Variants in TMEM117 observed in about 807,000 individuals in gnomAD.
TMEM117 encodes transmembrane protein 117.
In TMEM117, 27 loss-of-function variants were observed where a neutral mutation model predicts 52.4. That is an observed-to-expected ratio of 0.51 (90% confidence interval 0.38 to 0.71). The LOEUF is 0.71. Ranked by LOEUF, TMEM117 falls within the 30% of genes least tolerant of loss-of-function variation. TMEM117 has a pLI of 0.00. For synonymous variants in TMEM117, 215 were observed against 206.3 expected, an observed-to-expected ratio of 1.04 and a Z score of -0.36; for missense variants, 556 against 630.5, an observed-to-expected ratio of 0.88 and a Z score of 1.26.
intron 3 of TMEM117, among the ~76,000 whole-genome samples, chr12:44,042,280 G>A (rs921370151): frequency 6.9e-6 from 1 of 144,482 alleles, no homozygotes; most frequent in Non-Finnish European, 1.5e-5. Flanking sequence ...GTCTGAAGTT[G>A]TATTATGTTT....
chr12:44,253,937 A>G (rs1950225842), intron 5 of TMEM117, among the ~76,000 whole-genome samples: 1 of 151,704 alleles, frequency 6.6e-6, no homozygotes, highest in African/African-American at 2.4e-5. Flanking sequence ...CTCAGTAGAG[A>G]AACTTGGAAA....
intron 5 of TMEM117, among the ~76,000 whole-genome samples, chr12:44,214,742 G>A (rs1428978728): frequency 2.0e-5 from 3 of 151,994 alleles, no homozygotes; most frequent in African/African-American, 7.2e-5. Flanking sequence ...CAATTTAAAT[G>A]CCACTTTAAA....
intron 5 of TMEM117, among the ~76,000 whole-genome samples, chr12:44,217,496 G>A (rs1044080089): frequency 6.6e-6 from 1 of 152,154 alleles, no homozygotes; most frequent in Non-Finnish European, 1.5e-5. Flanking sequence ...CTGCTGTCCA[G>A]AGCTCCCTTT....
intron 5 of TMEM117, among the ~76,000 whole-genome samples, chr12:44,267,658 C>T (rs950064924): frequency 2.6e-5 from 4 of 152,118 alleles, no homozygotes; most frequent in African/African-American, 9.7e-5. Flanking sequence ...AAGTTTATAC[C>T]TTTGACCCTC....
At chr12:43,867,160 T>C (rs560627682) in intron 2 of TMEM117, among the ~76,000 whole-genome samples, 5 of 152,314 alleles carry the variant, frequency 3.3e-5, no homozygotes, top group Non-Finnish European at 5.9e-5. Context: ...GTCATGATTT[T>C]GTAACATGAT....
At chr12:43,998,275 ATGT>A (rs886741092) in intron 3 of TMEM117, among the ~76,000 whole-genome samples, 5 of 152,224 alleles carry the variant, frequency 3.3e-5, no homozygotes, top group Admixed American at 1.3e-4. Context: ...AGGACTGGAA[ATGT>A]TGTCAGGGCT....
At chr12:44,335,345 A>G (rs141571523) in intron 6 of TMEM117, among the ~76,000 whole-genome samples, 18 of 152,212 alleles carry the variant, frequency 1.2e-4, no homozygotes, top group African/African-American at 4.3e-4. Context: ...TCTAAACAGA[A>G]TAAGTCTCTG....
chr12:44,009,880 A>G, intron 3 of TMEM117: 1 of 266,818 alleles, frequency 3.7e-6, no homozygotes, highest in South Asian at 5.8e-5. Flanking sequence ...AATATTTCCA[A>G]GATCTACTCT....
chr12:43,949,076 G>A (rs1335675567), intron 3 of TMEM117, among the ~76,000 whole-genome samples: 2 of 152,182 alleles, frequency 1.3e-5, no homozygotes, highest in Non-Finnish European at 1.5e-5. Flanking sequence ...ACATGTAACT[G>A]TTAGCAGCAC....
At chr12:43,952,778 C>G (rs1373480310) in intron 3 of TMEM117, among the ~76,000 whole-genome samples, 1 of 152,090 alleles carries the variant, frequency 6.6e-6, no homozygotes, top group Non-Finnish European at 1.5e-5. Flanking sequence ...TATTCAAATT[C>G]AGGAAATCCA....
intron 2 of TMEM117, among the ~76,000 whole-genome samples, chr12:43,877,890 A>AACACACACACACACAC (rs369405497): frequency 7.0e-6 from 1 of 142,998 alleles, no homozygotes; most frequent in African/African-American, 2.6e-5. Flanking sequence ...GTAAAAACAA[A>AACACACACACACACAC]ACACACACAC....
rs58320635 is a variant in TMEM117 at position 43,990,794 on chromosome 12, C to T, written c.410+46452C>T. ...AAGAGACCTGCCCAAAGTCCCCGAG[C>T]ATGTTAATATTAGAAAAGCAATAAA... is the stretch of plus-strand genomic sequence containing the variant. On this transcript the variant is annotated intron_variant, in intron 3 of 7. Transcript: ENST00000266534. 6.7e-3 allele frequency among the ~76,000 whole-genome samples: 1,019 copies of T among 152,180 alleles called. 14 individuals carry two copies. Among genetic ancestry groups the T allele is most frequent in the African/African-American group, 0.023 (971 of 41,518 alleles).
intron 4 of TMEM117, among the ~76,000 whole-genome samples, chr12:44,165,397 G>C (rs937996654): frequency 6.6e-6 from 1 of 152,106 alleles, no homozygotes; most frequent in Non-Finnish European, 1.5e-5. Flanking sequence ...TTACAAAACA[G>C]ATTAATTTCC....
At chr12:44,213,686 G>C (rs78955712) in intron 5 of TMEM117, among the ~76,000 whole-genome samples, 2,660 of 152,248 alleles carry the variant, frequency 0.017, 62 homozygotes, top group East Asian at 0.056. Context: ...GGTCTCAAGA[G>C]ATCTGATGGT....
intron 2 of TMEM117, among the ~76,000 whole-genome samples, chr12:43,858,629 T>G (rs935960505): frequency 1.3e-5 from 2 of 152,162 alleles, no homozygotes; most frequent in Non-Finnish European, 2.9e-5. Context: ...TAGATATTCT[T>G]AGGCTACTCC....
chr12:44,257,939 T>C (rs73274137), intron 5 of TMEM117, among the ~76,000 whole-genome samples: 13,542 of 152,178 alleles, frequency 0.089, 846 homozygotes, highest in African/African-American at 0.17. Context: ...ATGTTAATTT[T>C]AGTAGTATTC....
At chr12:43,903,788 C>G (rs1328482418) in intron 2 of TMEM117, among the ~76,000 whole-genome samples, 1 of 151,934 alleles carries the variant, frequency 6.6e-6, no homozygotes, top group African/African-American at 2.4e-5. Context: ...ATATGCCTAC[C>G]CATGGTTATC....
intron 3 of TMEM117, among the ~76,000 whole-genome samples, chr12:44,067,487 G>C (rs1947238984): frequency 6.6e-6 from 1 of 152,188 alleles, no homozygotes; most frequent in South Asian, 2.1e-4. Context: ...TGGATGCTAT[G>C]TTGATAGGCA....
At chr12:44,159,903 G>C (rs1311031704) in intron 4 of TMEM117, among the ~76,000 whole-genome samples, 1 of 152,122 alleles carries the variant, frequency 6.6e-6, no homozygotes, top group Non-Finnish European at 1.5e-5. Flanking sequence ...TGCTGGTGTG[G>C]AAATGACAGA....
Sources: allele counts gnomAD v4.1 joint callset (sites outside exome capture counted in the v4.1 genomes callset), GRCh38; gene constraint gnomAD v4.1.1; transcripts MANE v1.5; gene names NCBI Gene and HGNC (gene_info 2026-07-23, HGNC 2026-07-21).